The following SAMD5 variants were observed in gnomAD, a reference collection of about 807,000 sequenced individuals.
SAMD5 encodes the protein sterile alpha motif domain-containing protein 5.
A neutral mutation model predicts 11.3 loss-of-function variants in SAMD5; 13 were observed. The ratio of observed to expected loss-of-function variants is 1.15; its 90% CI spans 0.75 to 1.83. The LOEUF (loss-of-function observed/expected upper bound fraction) is 1.83, where lower values mean the gene tolerates loss of function less well. SAMD5 is among the 40% of genes most tolerant of loss of function. The pLI is 0.00. For synonymous variants in SAMD5, 129 were observed against 111.3 expected, an observed-to-expected ratio of 1.16 and a Z score of -1.00; for missense variants, 255 against 239.1, an observed-to-expected ratio of 1.07 and a Z score of -0.44.
At chr6:147,729,796 G>A in intron 1 of SAMD5, 1 of 457,152 alleles carries the variant, frequency 2.2e-6, no homozygotes, top group South Asian at 1.5e-5. Context: ...TCAAGAAACA[G>A]CAAGGAGGCT....
chr6:147,792,408 G>T, the SAMD5 span, among the ~76,000 whole-genome samples: 1 of 152,130 alleles, frequency 6.6e-6, no homozygotes, highest in African/African-American at 2.4e-5. Context: ...AGAATGCTCC[G>T]TTTGGTAACA....
intron 1 of SAMD5, among the ~76,000 whole-genome samples, chr6:147,563,536 T>G (rs2128444443): frequency 6.6e-6 from 1 of 152,336 alleles, no homozygotes; most frequent in African/African-American, 2.4e-5. Context: ...CCAACTTTCC[T>G]TTTCTTCCTC....
chr6:147,686,403 A>G (rs1215289903), intron 1 of SAMD5, among the ~76,000 whole-genome samples: 5 of 152,168 alleles, frequency 3.3e-5, no homozygotes, highest in African/African-American at 1.2e-4. Context: ...CCATATTGTC[A>G]TGCCTTTTAT....
intron 1 of SAMD5, among the ~76,000 whole-genome samples, chr6:147,552,983 G>A (rs988061006): frequency 1.3e-5 from 2 of 152,196 alleles, no homozygotes; most frequent in Non-Finnish European, 2.9e-5. Flanking sequence ...ATGTGTCTAA[G>A]TATCTATGCC....
intron 1 of SAMD5, among the ~76,000 whole-genome samples, chr6:147,542,180 A>G (rs1247289880): frequency 6.6e-6 from 1 of 152,322 alleles, no homozygotes; most frequent in Non-Finnish European, 1.5e-5. Flanking sequence ...TTGGGTCGGC[A>G]GCACCCTGCC....
the SAMD5 span, among the ~76,000 whole-genome samples, chr6:147,787,833 A>T: frequency 3.3e-5 from 5 of 152,200 alleles, no homozygotes; most frequent in Admixed American, 3.3e-4. Flanking sequence ...CCAACACAAC[A>T]TTCTTACAGT....
At chr6:147,519,322 C>T (rs987850678) in intron 1 of SAMD5, among the ~76,000 whole-genome samples, 1 of 152,060 alleles carries the variant, frequency 6.6e-6, no homozygotes, top group African/African-American at 2.4e-5. Context: ...AAGTAATAGT[C>T]ATGTAATAAT....
the SAMD5 span, among the ~76,000 whole-genome samples, chr6:147,914,458 T>C: frequency 1.3e-5 from 2 of 151,934 alleles, no homozygotes; most frequent in South Asian, 2.1e-4. Context: ...TTACACAGAA[T>C]TGGAAAAAAG....
At chr6:147,547,588 A>G (rs928504651) in intron 1 of SAMD5, among the ~76,000 whole-genome samples, 23 of 152,136 alleles carry the variant, frequency 1.5e-4, no homozygotes, top group African/African-American at 4.8e-4. Context: ...CTGACTTATT[A>G]TTTTCCAGCC....
chr6:147,918,033 C>T, the SAMD5 span, among the ~76,000 whole-genome samples: 1,157 of 152,162 alleles, frequency 7.6e-3, 17 homozygotes, highest in African/African-American at 0.026. Flanking sequence ...ATTGTCTTGG[C>T]GATGAGGGCT....
In SAMD5 at chr6:147,666,729, T is replaced by G. The variant is rs17077205; in HGVS notation, c.163-70588T>G. On this transcript the variant is annotated intron_variant, in intron 1 of 1. Coordinates refer to the SAMD5 transcript ENST00000566741. ...GTAAATACAGGGATATACAGGGAAG[T>G]CATCATATTATGTGGCCCCCATAGA... Among the ~76,000 whole-genome samples the G allele has an allele frequency of 8.3e-3, 1,268 of 152,266 alleles. 6 individuals are homozygous for G. Among genetic ancestry groups the G allele is most frequent in the Middle Eastern group, 0.031 (9 of 294 alleles).
chr6:147,826,551 G>T, the SAMD5 span, among the ~76,000 whole-genome samples: 1 of 152,236 alleles, frequency 6.6e-6, no homozygotes, highest in East Asian at 1.9e-4. Flanking sequence ...AGATCACCAG[G>T]TCCAATAACA....
At chr6:147,774,883 TCA>T in the SAMD5 span, among the ~76,000 whole-genome samples, 1 of 151,930 alleles carries the variant, frequency 6.6e-6, no homozygotes, top group Admixed American at 6.6e-5. Context: ...CACCTCCTCT[TCA>T]CACACACACA....
At chr6:147,806,917 GCTCT>G in the SAMD5 span, among the ~76,000 whole-genome samples, 1 of 151,982 alleles carries the variant, frequency 6.6e-6, no homozygotes, top group Non-Finnish European at 1.5e-5. Context: ...GCACTTGTTT[GCTCT>G]CTCTCTCCAC....
chr6:147,610,122 C>T (rs1789761129), intron 1 of SAMD5, among the ~76,000 whole-genome samples: 1 of 152,112 alleles, frequency 6.6e-6, no homozygotes, highest in Non-Finnish European at 1.5e-5. Flanking sequence ...CCATGCTGGG[C>T]ACAAATCTCT....
In SAMD5 at chr6:147,564,551, A is replaced by T. The variant is rs1311305896; in HGVS notation, c.*95A>T. 3 of 1,104,262 alleles carry T rather than the reference A, an allele frequency of 2.7e-6. No individual in the cohort carries two copies. In the East Asian group the frequency reaches 7.2e-5, roughly 27 times the overall value. 68.4% of individuals were successfully genotyped at this position (1,104,262 alleles called of 1,614,324 possible). On this transcript the variant is annotated 3_prime_UTR_variant, in exon 2 of 2. Coordinates refer to ENST00000367474, the MANE Select transcript of SAMD5 (RefSeq NM_001030060.3). The stretch of plus-strand genomic sequence containing the variant: ...CTTCTTTCAAAAAGGGAAATGGATG[A>T]TGACCCTGGAAATACTCATCAGCTT...
At chr6:147,761,905 G>T in the SAMD5 span, among the ~76,000 whole-genome samples, 2 of 151,956 alleles carry the variant, frequency 1.3e-5, no homozygotes, top group Non-Finnish European at 2.9e-5. Context: ...TAGAGATGGG[G>T]TTTCACCATA....
At chr6:147,667,354 G>A (rs935719176) in intron 1 of SAMD5, among the ~76,000 whole-genome samples, 33 of 152,058 alleles carry the variant, frequency 2.2e-4, no homozygotes, top group African/African-American at 7.7e-4. Context: ...TAATTTGCAG[G>A]AATTGGTAAT....
chr6:147,865,945 A>G, the SAMD5 span, among the ~76,000 whole-genome samples: 5 of 152,192 alleles, frequency 3.3e-5, no homozygotes, highest in African/African-American at 1.2e-4. Context: ...AATATAATAA[A>G]TTTTAAAGCT....
Sources: allele counts gnomAD v4.1 joint callset (sites outside exome capture counted in the v4.1 genomes callset), GRCh38; gene constraint gnomAD v4.1.1; transcripts MANE v1.5; gene names NCBI Gene and HGNC (gene_info 2026-07-23, HGNC 2026-07-21).